The following LTBP2 variants were observed in gnomAD, a reference collection of about 807,000 sequenced individuals.
LTBP2 encodes the protein latent transforming growth factor beta binding protein 2, also known as latent-transforming growth factor beta-binding protein 2.
In LTBP2, 103 loss-of-function variants were observed where a neutral mutation model predicts 210.6. The ratio of observed to expected loss-of-function variants is 0.49; its 90% CI spans 0.42 to 0.58. LTBP2 has a LOEUF of 0.58. LTBP2 is among the 20% of genes least tolerant of loss of function. The pLI is 0.00. For missense variants in LTBP2, 2,313 were observed against 2,494.5 expected (o/e 0.93, Z 1.55); for synonymous variants, 1,007 against 1,015.0 (o/e 0.99, Z 0.15).
intron 7 of LTBP2, 26 bp from the exon 8 acceptor site, chr14:74,549,991 G>A (rs1311485152): frequency 6.9e-7 from 1 of 1,442,236 alleles, no homozygotes; most frequent in Non-Finnish European, 9.8e-7. Flanking sequence ...ATGGACACCT[G>A]TGACCACCCC....
chr14:74,526,780 G>C (rs975773903), intron 13 of LTBP2, among the ~76,000 whole-genome samples: 1 of 152,166 alleles, frequency 6.6e-6, no homozygotes, highest in African/African-American at 2.4e-5. Context: ...GCTGATGAGG[G>C]AAGAAGCAGA....
In LTBP2 at chr14:74,535,053, A is replaced by G. The variant is rs540569347; in HGVS notation, c.1864+873T>C. On this transcript the variant is annotated intron_variant, in intron 9 of 35. Coordinates refer to ENST00000261978, the MANE Select transcript of LTBP2 (RefSeq NM_000428.3). ...AAAATACGTATTTCTCCCTACATCC[A>G]CTGTCTGCTTGGCCCTCAAACCACT... Among the ~76,000 whole-genome samples the G allele has an allele frequency of 6.6e-5, 10 of 152,202 alleles. No individual in the cohort carries two copies. The South Asian group carries it at 2.1e-3, about 32-fold the overall frequency.
chr14:74,540,889 A>AT (rs1168159672), intron 8 of LTBP2, among the ~76,000 whole-genome samples: 3 of 105,648 alleles, frequency 2.8e-5, no homozygotes, highest in African/African-American at 3.7e-5. Flanking sequence ...TATATATATT[A>AT]TATATTAAAA....
At chr14:74,537,379 G>A (rs2087435366) in intron 8 of LTBP2, among the ~76,000 whole-genome samples, 1 of 152,214 alleles carries the variant, frequency 6.6e-6, no homozygotes, top group Non-Finnish European at 1.5e-5. Context: ...TTTGCCTATA[G>A]ATAGCCAGCA....
Position 74,532,437 on chromosome 14 carries a change from C to T in LTBP2, c.1976G>A (p.Ser659Asn). 1.2e-6 allele frequency: 2 copies of T among 1,614,142 alleles called. No homozygotes were observed. The highest frequency in any genetic ancestry group is 1.7e-6 in the Non-Finnish European group (2 of 1,180,020). ...RPGLMLDPSRSRCVSDKAISM... is the reference protein window; with the variant it reads ...RPGLMLDPSRNRCVSDKAISM... ...CTGCCAGCACTCACACACACAGCGG[C>T]TCCGCGATGGATCCAGCATGAGGCC... Residue 659 changes from serine (S) to asparagine (N), a missense_variant, in exon 10 of 36, where the codon AGC becomes AAC. Ser to Asn is a conservative substitution (Grantham distance 46). Transcript: ENST00000261978.
chr14:74,609,552 C>T (rs991165061), intron 1 of LTBP2, among the ~76,000 whole-genome samples: 8 of 152,192 alleles, frequency 5.3e-5, no homozygotes, highest in Non-Finnish European at 7.3e-5. Flanking sequence ...GCAGTGCTAC[C>T]CCTGGGCCAG....
At chr14:74,577,634 A>G (rs942982602) in intron 3 of LTBP2, among the ~76,000 whole-genome samples, 2 of 151,066 alleles carry the variant, frequency 1.3e-5, no homozygotes, top group African/African-American at 4.9e-5. Flanking sequence ...TCAGCCTCCC[A>G]AGTAGCTGGG....
chr14:74,556,318 GTA>G (rs944120956), intron 3 of LTBP2, among the ~76,000 whole-genome samples: 1 of 152,082 alleles, frequency 6.6e-6, no homozygotes, highest in African/African-American at 2.4e-5. Context: ...CTTTGCTCAC[GTA>G]TATGATTTTA....
At chr14:74,565,307 T>A (rs1318263196) in intron 3 of LTBP2, among the ~76,000 whole-genome samples, 2 of 152,172 alleles carry the variant, frequency 1.3e-5, no homozygotes, top group Admixed American at 6.5e-5. Flanking sequence ...TCACTCGTGG[T>A]CTTCAAGCAG....
intron 30 of LTBP2, 118 bp from the exon 31 acceptor site, chr14:74,504,172 T>A: frequency 7.7e-7 from 1 of 1,293,128 alleles, no homozygotes; most frequent in Non-Finnish European, 1.1e-6. Context: ...ACTAGGTGGC[T>A]TTGGGCAAGT....
chr14:74,588,060 C>T (rs2088232194), intron 2 of LTBP2, among the ~76,000 whole-genome samples: 2 of 152,236 alleles, frequency 1.3e-5, no homozygotes, highest in Non-Finnish European at 2.9e-5. Context: ...TCTCCATTTA[C>T]CTGGCTCCTA....
chr14:74,560,789 A>G (rs1056205178), intron 3 of LTBP2, among the ~76,000 whole-genome samples: 6 of 152,260 alleles, frequency 3.9e-5, no homozygotes, highest in Non-Finnish European at 5.9e-5. Context: ...TAAAAATTAT[A>G]TAGTATGACA....
chr14:74,532,597 T>A lies in LTBP2; in HGVS notation c.1865-49A>T, dbSNP rs769246390. Reference sequence around the variant, plus strand: ...AAGTGCCCGCCCCACGGAGGCCTGATGGAGCAGAGGGGCTGGGCAGAGATC... The same window carrying A: ...AAGTGCCCGCCCCACGGAGGCCTGAAGGAGCAGAGGGGCTGGGCAGAGATC... On this transcript the variant is annotated intron_variant, in intron 9 of 35. Coordinates refer to ENST00000261978, the MANE Select transcript of LTBP2 (RefSeq NM_000428.3). 335 of 1,608,074 alleles carry A rather than the reference T, an allele frequency of 2.1e-4. 2 individuals are homozygous for A. The highest frequency in any genetic ancestry group is 6.6e-5 in the Non-Finnish European group (78 of 1,176,932).
chr14:74,601,332 G>A (rs1406673752), intron 2 of LTBP2, among the ~76,000 whole-genome samples: 1 of 152,096 alleles, frequency 6.6e-6, no homozygotes, highest in African/African-American at 2.4e-5. Flanking sequence ...GATCACTTGA[G>A]GCCAGGAGTT....
chr14:74,589,184 G>A (rs753128), intron 2 of LTBP2, among the ~76,000 whole-genome samples: 2,626 of 152,290 alleles, frequency 0.017, 95 homozygotes, highest in East Asian at 0.096. Flanking sequence ...ATGAGCATTC[G>A]TAGAGCACTC....
At position 74,499,023 on chromosome 14, in the gene LTBP2, A is replaced by G. The variant is rs2086881769; in HGVS notation, c.*1861T>C. ...GGTTAAGTTCCTAGAAGTGGAAACT[A>G]CTGGATCAAAGAGTTAGTGCTTTTA... On this transcript the variant is annotated 3_prime_UTR_variant, in exon 36 of 36. Coordinates refer to ENST00000261978, the MANE Select transcript of LTBP2 (RefSeq NM_000428.3). 1 of 219,346 alleles carries G rather than the reference A, an allele frequency of 4.6e-6. No homozygotes were observed. Among genetic ancestry groups the G allele is most frequent in the African/African-American group, 2.2e-5 (1 of 44,642 alleles). 13.6% of individuals were successfully genotyped at this position (219,346 alleles called of 1,614,324 possible).
chr14:74,537,530 G>T (rs1301447344), intron 8 of LTBP2, among the ~76,000 whole-genome samples: 2 of 152,266 alleles, frequency 1.3e-5, no homozygotes, highest in East Asian at 3.9e-4. Flanking sequence ...TTCTAGCTTT[G>T]ACTCCTTTGT....
At chr14:74,540,830 A>ATATATATT (rs1555350191) in intron 8 of LTBP2, among the ~76,000 whole-genome samples, 2 of 68,646 alleles carry the variant, frequency 2.9e-5, no homozygotes, top group African/African-American at 1.0e-4. Context: ...ATTTTTATAT[A>ATATATATT]ATATATATTT....
Position 74,551,325 on chromosome 14 carries a change from CT to C in LTBP2, c.1424del (p.Lys475ArgfsTer28). 1 of 1,586,768 alleles carries C rather than the reference CT, an allele frequency of 6.3e-7. No individual in the cohort carries two copies. Among genetic ancestry groups the C allele is most frequent in the Non-Finnish European group, 8.6e-7 (1 of 1,164,260 alleles). On this transcript the variant is annotated frameshift_variant, in exon 7 of 36. Coordinates refer to ENST00000261978, the MANE Select transcript of LTBP2 (RefSeq NM_000428.3). LOFTEE classifies it high-confidence loss of function. The stretch of plus-strand genomic sequence containing the variant: ...CCTCGGGTGGGTGGTGAATGTGCAC[CT>C]TCACCAGGGAGGGGTTCACGGAGGC... ...QLASVNPSLV[K>X]VHIHHPPEAS... is the part of the protein sequence containing the mutation.
Sources: allele counts gnomAD v4.1 joint callset (sites outside exome capture counted in the v4.1 genomes callset), GRCh38; gene constraint gnomAD v4.1.1; transcripts MANE v1.5; gene names NCBI Gene and HGNC (gene_info 2026-07-23, HGNC 2026-07-21).